The following FUCA1 variants were observed in gnomAD, a reference collection of about 807,000 sequenced individuals.
FUCA1 encodes alpha-L-fucosidase 1.
Under a neutral mutation model 56.8 loss-of-function variants are expected in FUCA1, and 52 were observed. The observed-to-expected ratio is 0.92, with a 90% confidence interval of 0.73 to 1.15. The LOEUF (loss-of-function observed/expected upper bound fraction) is 1.15. Ranked by LOEUF, FUCA1 falls within the 50% of genes most tolerant of loss-of-function variation. The pLI, the probability that FUCA1 is intolerant of heterozygous loss-of-function variation, is 0.00. For synonymous variants in FUCA1, 230 were observed against 226.6 expected (o/e 1.02, Z -0.14); for missense variants, 568 against 592.6 (o/e 0.96, Z 0.43).
At chr1:23,855,077 G>A (rs1178667863) in intron 4 of FUCA1, among the ~76,000 whole-genome samples, 1 of 146,200 alleles carries the variant, frequency 6.8e-6, no homozygotes, top group Non-Finnish European at 1.5e-5. Context: ...CCTTACTTAC[G>A]TAAAAAAAAA....
chr1:23,848,564 G>T, intron 6 of FUCA1, 85 bp downstream of exon 6: 1 of 1,324,126 alleles, frequency 7.6e-7, no homozygotes, highest in Non-Finnish European at 1.1e-6. Flanking sequence ...TTCCAGCCTG[G>T]CTTGTGACAT....
In FUCA1 at chr1:23,853,211, T is replaced by A. The variant is rs543333973; in HGVS notation, c.969+1149A>T. 2.5e-3 allele frequency among the ~76,000 whole-genome samples: 350 copies of A among 142,006 alleles called. 1 individual carries two copies. The highest frequency in any genetic ancestry group is 8.5e-3 in the African/African-American group (318 of 37,332). 93.2% of individuals were successfully genotyped at this position (142,006 alleles called of 152,430 possible). ...GGAGCGTCTCTGCCCAGCCGCCCCA[T>A]CTGAGAAGTGAGGAAACCCTCCGCC... On this transcript the variant is annotated intron_variant, in intron 5 of 7. Transcript: ENST00000374479.
chr1:23,853,547 C>A lies in FUCA1; in HGVS notation c.969+813G>T, dbSNP rs1639321549. ...GAGGAGCCCCTCTGCCCAGCCACCA[C>A]CCCGTCTGGGAGGTGTACCGAACAG... On this transcript the variant is annotated intron_variant, in intron 5 of 7. Transcript: ENST00000374479. 4.6e-5 allele frequency among the ~76,000 whole-genome samples: 7 copies of A among 152,228 alleles called. No homozygotes were observed. In the South Asian group the frequency reaches 1.4e-3, roughly 32 times the overall value.
chr1:23,857,439 A>G (rs1459105241), intron 4 of FUCA1, among the ~76,000 whole-genome samples: 2 of 152,128 alleles, frequency 1.3e-5, no homozygotes, highest in Non-Finnish European at 2.9e-5. Context: ...AGAGTTCATT[A>G]CCTAGGGATG....
rs981111966 is a variant in FUCA1, at chr1:23,851,508, T to G, written c.970-2669A>C. Among the ~76,000 whole-genome samples, 3 of 152,230 alleles carry G rather than the reference T, an allele frequency of 2.0e-5. No homozygotes were observed. In the East Asian group the frequency reaches 5.8e-4, roughly 29 times the overall value. On this transcript the variant is annotated intron_variant, in intron 5 of 7. Coordinates refer to ENST00000374479, the MANE Select transcript of FUCA1 (RefSeq NM_000147.5). ...TCCTTAGGACAGGTTTCTGTTAGTC[T>G]ATTCAATGTCCTTAAAAGGGTTCTA...
Position 23,859,867 on chromosome 1 carries a change from C to T in FUCA1, c.699G>A (p.Trp233Ter), listed in dbSNP as rs776845108. 13 of 1,613,146 alleles carry T rather than the reference C, an allele frequency of 8.1e-6. No individual in the cohort carries two copies. Among genetic ancestry groups the T allele is most frequent in the Non-Finnish European group, 1.0e-5 (12 of 1,179,306 alleles). Residue 233 changes from tryptophan (W) to a stop codon, truncating the protein, a stop_gained, in exon 4 of 8, where the codon TGG (tryptophan) becomes TGA (stop). Coordinates refer to ENST00000374479, the MANE Select transcript of FUCA1 (RefSeq NM_000147.5). LOFTEE classifies it high-confidence loss of function. ...AGTTCCAGTAAGTATCAGGACATTC[C>T]CACTCCCCATCAGACCAGATCAGAT... ...KPDLIWSDGE[W>*]ECPDTYWNST... is the part of the protein sequence containing the mutation.
intron 4 of FUCA1, among the ~76,000 whole-genome samples, chr1:23,855,602 C>T (rs1375440551): frequency 6.6e-6 from 1 of 152,220 alleles, no homozygotes; most frequent in East Asian, 1.9e-4. Flanking sequence ...GTTTTAGAGT[C>T]ATTCACATTG....
chr1:23,867,788 CG>C lies in FUCA1; in HGVS notation c.389+109del. Reference sequence around the variant, plus strand: ...GCCGCAGGAGGCCACACGCGGGCCCCGGGGTCATGGGGGCGACCGGCAGCTG... The same window carrying C: ...GCCGCAGGAGGCCACACGCGGGCCCCGGGTCATGGGGGCGACCGGCAGCTG... On this transcript the variant is annotated intron_variant, in intron 1 of 7. Transcript: ENST00000374479. The surrounding 1 kb of genome is among the most constrained non-coding windows in gnomAD (Gnocchi z 4.9). 1 of 1,436,548 alleles carries C rather than the reference CG, an allele frequency of 7.0e-7. No individual in the cohort carries two copies. The highest frequency in any genetic ancestry group is 9.1e-7 in the Non-Finnish European group (1 of 1,104,412). The allele number at this position is 1,436,548 out of a possible 1,614,324, so 89.0% of individuals were successfully genotyped here.
At chr1:23,845,882 A>C in intron 7 of FUCA1, 27 bp from the exon 8 acceptor site, 1 of 1,613,906 alleles carries the variant, frequency 6.2e-7, no homozygotes. Context: ...GGAATGAAAC[A>C]AACTGGTAAT....
chr1:23,850,055 C>T (rs907658116), intron 5 of FUCA1, among the ~76,000 whole-genome samples: 2 of 151,952 alleles, frequency 1.3e-5, no homozygotes, highest in Admixed American at 6.6e-5. Context: ...TGGATCACAC[C>T]TGTAATCCCA....
chr1:23,853,605 GT>G (rs1639324825), intron 5 of FUCA1, among the ~76,000 whole-genome samples: 1 of 151,878 alleles, frequency 6.6e-6, no homozygotes, highest in South Asian at 2.1e-4. Context: ...GACAATGGCG[GT>G]TTTGTGGAAT....
rs201900802 is a variant in FUCA1 at position 23,853,084 on chromosome 1, C to T, written c.969+1276G>A. Among the ~76,000 whole-genome samples the T allele has an allele frequency of 3.0e-3, 446 of 147,156 alleles. 12 individuals are homozygous for T. The East Asian group carries it at 0.054, about 18-fold the overall frequency. ...CTAGGAAGTGAGGAGCGTCTCTGCC[C>T]GGCCGCCCATCGTCTGAGATGTGGG... On this transcript the variant is annotated intron_variant, in intron 5 of 7. Transcript: ENST00000374479.
Position 23,848,767 on chromosome 1 carries a change from CAATCAGT to C in FUCA1, c.1035_1041del (p.Leu346PhefsTer15), listed in dbSNP as rs767970549. ...AGAAGCCTTTCTTGGAAGATGGGAA[CAATCAGT>C]CCATCTTTAGTTGGTCCAATGTTCA... On this transcript the variant is annotated frameshift_variant, in exon 6 of 8. Coordinates refer to ENST00000374479, the MANE Select transcript of FUCA1 (RefSeq NM_000147.5). LOFTEE classifies it high-confidence loss of function. 2 of 1,614,074 alleles carry C rather than the reference CAATCAGT, an allele frequency of 1.2e-6. No homozygotes were observed. The highest frequency in any genetic ancestry group is 2.7e-5 in the African/African-American group (2 of 75,064).
Position 23,868,175 on chromosome 1 carries a change from T to A in FUCA1, c.112A>T (p.Thr38Ser), listed in dbSNP as rs143545485. The A allele has an allele frequency of 6.2e-6, 10 of 1,605,244 alleles. No homozygotes were observed. The African/African-American group carries it at 9.4e-5, about 15-fold the overall frequency. Residue 38 changes from threonine to serine, a missense_variant, in exon 1 of 8, where the codon ACC becomes TCC. Transcript: ENST00000374479. Reference protein sequence around the residue: ...VRRAQPPRRYTPDWPSLDSRP... With the variant: ...VRRAQPPRRYSPDWPSLDSRP... ...GAATCCAGGCTCGGCCAGTCTGGGG[T>A]GTAGCGGCGCGGAGGCTGGGCCCGA...
At position 23,868,233 on chromosome 1, in the gene FUCA1, C is replaced by T. The variant is rs1263378070; in HGVS notation, c.54G>A (p.Leu18=). The T allele has an allele frequency of 3.2e-6, 5 of 1,572,044 alleles. No homozygotes were observed. Among genetic ancestry groups the T allele is most frequent in the Admixed American group, 1.9e-5 (1 of 53,872 alleles). Residue 18 remains leucine, a synonymous_variant, in exon 1 of 8, where the codon CTG becomes CTA. Coordinates refer to ENST00000374479, the MANE Select transcript of FUCA1 (RefSeq NM_000147.5). ...ACTCGGCCGCTCCGAGGAAGAGCAG[C>T]AGCAGCAACAGCGCGGGACCCGCCG... ...SRPAGPALLL[L]LLFLGAAESV... is the part of the protein sequence containing the mutation.
rs1013465532 is a variant in FUCA1 at position 23,848,965 on chromosome 1, A to AT, written c.970-127dup. ...TTTTTAAATATCCTCTGCTGTTTTA[A>AT]TTTTTTTTTTTTTCTTTTTGAGCTG... On this transcript the variant is annotated intron_variant, in intron 5 of 7. Transcript: ENST00000374479. 0.12 allele frequency: 65,413 copies of AT among 554,006 alleles called. 1 individual carries two copies. The highest frequency in any genetic ancestry group is 0.16 in the East Asian group (3,633 of 23,420). 34.3% of individuals were successfully genotyped at this position (554,006 alleles called of 1,614,324 possible). A position where few individuals can be genotyped will look rare whatever the true frequency, so the allele number is the denominator to read the frequency against.
rs375270869 is a variant in FUCA1 at position 23,865,531 on chromosome 1, G to A, written c.484C>T (p.Arg162Trp). The A allele has an allele frequency of 1.1e-4, 178 of 1,614,156 alleles. 1 individual carries two copies. Among genetic ancestry groups the A allele is most frequent in the Middle Eastern group, 1.6e-4 (1 of 6,062 alleles). Residue 162 changes from arginine (R) to tryptophan (W), a missense_variant, in exon 2 of 8, where the codon CGG becomes TGG. Transcript: ENST00000374479. The part of the protein sequence containing the change: ...NWNSKDVGPH[R>W]DLVGELGTAL... ...GTTCCCAATTCACCAACCAAATCCC[G>A]ATGAGGCCCCACGTCTTTGGAGTTC...
chr1:23,860,608 G>C (rs1639487768), intron 3 of FUCA1, among the ~76,000 whole-genome samples: 2 of 146,328 alleles, frequency 1.4e-5, no homozygotes. Context: ...AAAACACACA[G>C]CATTTTGGTA....
intron 2 of FUCA1, 58 bp from the exon 3 acceptor site, chr1:23,863,329 T>A: frequency 6.4e-7 from 1 of 1,570,278 alleles, no homozygotes; most frequent in South Asian, 1.1e-5. Context: ...TAATTTATTT[T>A]AAGGAAAATC....
Sources: gnomAD v4.1 joint callset for allele counts (sites outside exome capture counted in the v4.1 genomes callset) on GRCh38, gnomAD v4.1.1 for gene constraint, Gnocchi (gnomAD v3.1) non-coding constraint, MANE v1.5 for transcripts, NCBI Gene and HGNC (gene_info 2026-07-23, HGNC 2026-07-21) for gene names.